The following ZNF844 variants were observed in gnomAD, a reference collection of about 807,000 sequenced individuals.
ZNF844 encodes zinc finger protein 844.
A neutral mutation model predicts 11.4 loss-of-function variants in ZNF844; 11 were observed. The ratio of observed to expected loss-of-function variants is 0.97; its 90% CI spans 0.61 to 1.60. The LOEUF (loss-of-function observed/expected upper bound fraction) is 1.60. Among genes scored for constraint, ZNF844 ranks in the 40% most tolerant of loss-of-function variants. ZNF844 has a pLI of 0.00. For missense variants in ZNF844, 790 were observed against 796.8 expected (o/e 0.99, Z 0.10); for synonymous variants, 248 against 260.3 (o/e 0.95, Z 0.46).
chr19:12,074,790 T>A (rs961058738), intron 3 of ZNF844, among the ~76,000 whole-genome samples: 1 of 152,112 alleles, frequency 6.6e-6, no homozygotes, highest in African/African-American at 2.4e-5. Context: ...AGTTCAAGGG[T>A]GCTGTGAACC....
rs904836473 is a variant in ZNF844, at chr19:12,077,444, C to T, written c.*323C>T. The T allele has an allele frequency of 7.2e-5, 44 of 611,366 alleles. No homozygotes were observed. The highest frequency in any genetic ancestry group is 1.1e-4 in the Non-Finnish European group (37 of 325,508). The allele number at this position is 611,366 out of a possible 1,614,324, so 37.9% of individuals were successfully genotyped here. A position where few individuals can be genotyped will look rare whatever the true frequency, so the allele number is the denominator to read the frequency against. The stretch of plus-strand genomic sequence containing the variant: ...CTGCATTTCAGTATCATGAAAAGAC[C>T]CACACCAGAGAGAAACACTATGAAT... On this transcript the variant is annotated 3_prime_UTR_variant, in exon 4 of 4. Transcript: ENST00000439326.
intron 1 of ZNF844, among the ~76,000 whole-genome samples, chr19:12,071,696 G>GTTT (rs562646552): frequency 1.5e-5 from 2 of 136,132 alleles, no homozygotes; most frequent in African/African-American, 2.7e-5. Flanking sequence ...AATCAATTAG[G>GTTT]TTTTTTTTTT....
In ZNF844 at chr19:12,076,931, T is replaced by TGCAAGAACACAC; in HGVS notation, c.1812_1823dup (p.Gln605_Thr608dup). On this transcript the variant is annotated inframe_insertion, in exon 4 of 4. Coordinates refer to ENST00000439326, the MANE Select transcript of ZNF844 (RefSeq NM_001136501.3). ...TATCTGCCAAGATCCTTCGAGTACA[T>TGCAAGAACACAC]GCAAGAACACACCCTGGAGAGAAAC... is the stretch of plus-strand genomic sequence containing the variant. 1.3e-6 allele frequency: 2 copies of TGCAAGAACACAC among 1,598,796 alleles called. No individual in the cohort carries two copies. The highest frequency in any genetic ancestry group is 1.7e-6 in the Non-Finnish European group (2 of 1,172,472).
At chr19:12,074,935 T>C (rs1234758764) in intron 3 of ZNF844, among the ~76,000 whole-genome samples, 1 of 152,226 alleles carries the variant, frequency 6.6e-6, no homozygotes, top group Non-Finnish European at 1.5e-5. Flanking sequence ...TTTTCTTTTT[T>C]AAACATATGA....
In ZNF844 at chr19:12,076,931, T is replaced by C. The variant is rs929529640; in HGVS notation, c.1811T>C (p.Met604Thr). The part of the protein sequence containing the change: ...HSYLPRSFEY[M>T]QEHTLERNPM... Reference sequence around the variant, plus strand: ...TATCTGCCAAGATCCTTCGAGTACATGCAAGAACACACCCTGGAGAGAAAC... The same window carrying C: ...TATCTGCCAAGATCCTTCGAGTACACGCAAGAACACACCCTGGAGAGAAAC... The change falls in exon 4 of 4, where the codon ATG becomes ACG. Residue 604 changes from methionine (M) to threonine (T), a missense_variant. This residue lies in a region of ZNF844 where 657 missense variants were observed against 636.2 expected (regional missense o/e 1.03). Transcript: ENST00000439326. 2 of 1,598,678 alleles carry C rather than the reference T, an allele frequency of 1.3e-6. No individual in the cohort carries two copies. The highest frequency in any genetic ancestry group is 1.4e-5 in the African/African-American group (1 of 73,956).
chr19:12,073,556 G>GTT (rs566864108), intron 1 of ZNF844, among the ~76,000 whole-genome samples: 11 of 143,806 alleles, frequency 7.6e-5, no homozygotes, highest in African/African-American at 2.3e-4. Flanking sequence ...GCAAAATCCA[G>GTT]TTTTTTTTTT....
At chr19:12,068,695 C>T (rs753697476) in intron 1 of ZNF844, among the ~76,000 whole-genome samples, 2 of 152,134 alleles carry the variant, frequency 1.3e-5, no homozygotes, top group African/African-American at 4.8e-5. Context: ...TTATTGACTT[C>T]CACAAATGTG....
chr19:12,074,185 G>T (rs1454496311), intron 2 of ZNF844, 28 bp downstream of exon 2: 1 of 1,612,148 alleles, frequency 6.2e-7, no homozygotes, highest in African/African-American at 1.3e-5. Flanking sequence ...ACGTCCCCCA[G>T]TGAATGAGAC....
Position 12,076,188 on chromosome 19 carries a change from A to G in ZNF844, c.1068A>G (p.Lys356=). The G allele has an allele frequency of 6.3e-7, 1 of 1,587,946 alleles. No individual in the cohort carries two copies. Among genetic ancestry groups the G allele is most frequent in the Non-Finnish European group, 8.6e-7 (1 of 1,166,412 alleles). The change falls in exon 4 of 4, where the codon AAA becomes AAG. Residue 356 remains lysine (K), a synonymous_variant. Coordinates refer to ENST00000439326, the MANE Select transcript of ZNF844 (RefSeq NM_001136501.3). ...ATCTTAACTTTCAAAGACACATGAA[A>G]ATGCACACTAGAATGAGACCTTATA... ...LSYLNFQRHM[K]MHTRMRPYKC...
At position 12,077,608 on chromosome 19, in the gene ZNF844, A is replaced by G; in HGVS notation, c.*487A>G. 1.8e-6 allele frequency: 1 copy of G among 554,934 alleles called. No individual in the cohort carries two copies. Among genetic ancestry groups the G allele is most frequent in the South Asian group, 1.4e-5 (1 of 71,104 alleles). 34.4% of individuals were successfully genotyped at this position (554,934 alleles called of 1,614,324 possible). A position where few individuals can be genotyped will look rare whatever the true frequency, so the allele number is the denominator to read the frequency against. On this transcript the variant is annotated 3_prime_UTR_variant, in exon 4 of 4. Coordinates refer to ENST00000439326, the MANE Select transcript of ZNF844 (RefSeq NM_001136501.3). The stretch of plus-strand genomic sequence containing the variant: ...GCCACTCAACTTCAGATGCATAGAA[A>G]GATTCACACTGGCGAGAAACCCTAT...
chr19:12,074,825 C>T (rs1053788759), intron 3 of ZNF844, among the ~76,000 whole-genome samples: 1 of 152,164 alleles, frequency 6.6e-6, no homozygotes, highest in Non-Finnish European at 1.5e-5. Flanking sequence ...GCACTCCAGC[C>T]TGGGCTATAT....
In ZNF844 at chr19:12,076,526, T is replaced by C. The variant is rs765986277; in HGVS notation, c.1406T>C (p.Leu469Pro). ...LPHTFKCMEG[L>P]TLKRNPMNVS... ...CACACCTTCAAATGCATGGAAGGAC[T>C]CACACTCAAGAGAAACCCTATGAAT... The change falls in exon 4 of 4, where the codon CTC becomes CCC. Residue 469 changes from leucine to proline, a missense_variant. Transcript: ENST00000439326. The C allele has an allele frequency of 1.1e-5, 18 of 1,609,524 alleles. No individual in the cohort carries two copies. The highest frequency in any genetic ancestry group is 1.5e-5 in the Non-Finnish European group (18 of 1,178,196).
At chr19:12,067,132 G>A (rs968429953) in intron 1 of ZNF844, among the ~76,000 whole-genome samples, 10 of 152,088 alleles carry the variant, frequency 6.6e-5, no homozygotes, top group African/African-American at 2.4e-4. Context: ...CCCGGGAGGT[G>A]GAGTTTGCAG....
Position 12,074,079 on chromosome 19 carries a change from T to A in ZNF844, c.52T>A (p.Trp18Arg). 3 of 1,613,536 alleles carry A rather than the reference T, an allele frequency of 1.9e-6. No homozygotes were observed. The highest frequency in any genetic ancestry group is 2.5e-6 in the Non-Finnish European group (3 of 1,179,732). ...GGCTGTGAACTTCACCCAGGAGGAG[T>A]GGTCTTTGCTGGATCCTTCCCAGAA... is the stretch of plus-strand genomic sequence containing the variant. Reference protein sequence around the residue: ...DVAVNFTQEEWSLLDPSQKNL... With the variant: ...DVAVNFTQEERSLLDPSQKNL... Residue 18 changes from tryptophan to arginine, a missense_variant, in exon 2 of 4, where the codon TGG (tryptophan) becomes AGG (arginine). Transcript: ENST00000439326.
In ZNF844 at chr19:12,076,014, A is replaced by G; in HGVS notation, c.894A>G (p.Ile298Met). The G allele has an allele frequency of 1.3e-6, 2 of 1,572,962 alleles. No individual in the cohort carries two copies. Among genetic ancestry groups the G allele is most frequent in the Non-Finnish European group, 1.7e-6 (2 of 1,158,652 alleles). The change falls in exon 4 of 4, where the codon ATA becomes ATG. Residue 298 changes from isoleucine to methionine, a missense_variant. Ile to Met is a conservative substitution (Grantham distance 10). Coordinates refer to ENST00000439326, the MANE Select transcript of ZNF844 (RefSeq NM_001136501.3). Reference sequence around the variant, plus strand: ...TCAGATGGTTCCATTCCTTTCAAATACATGAAAGAACTCACAGTGAGGAGA... The same window carrying G: ...TCAGATGGTTCCATTCCTTTCAAATGCATGAAAGAACTCACAGTGAGGAGA... Reference protein sequence around the residue: ...KAFRWFHSFQIHERTHSEEKA... With the variant: ...KAFRWFHSFQMHERTHSEEKA...
rs1265276919 is a variant in ZNF844, at chr19:12,077,179, G to A, written c.*58G>A. ...TTCACTTCTTCTGGTTCCTTTCAGT[G>A]TCATAAAAGGATTCACACTGGAGAG... On this transcript the variant is annotated 3_prime_UTR_variant, in exon 4 of 4. Coordinates refer to ENST00000439326, the MANE Select transcript of ZNF844 (RefSeq NM_001136501.3). 4.4e-6 allele frequency: 7 copies of A among 1,598,564 alleles called. No individual in the cohort carries two copies. In the East Asian group the frequency reaches 1.3e-4, roughly 31 times the overall value.
In ZNF844 at chr19:12,080,964, AAGCT is replaced by A. The variant is rs1443421802; in HGVS notation, c.*3844_*3847del. 6.6e-6 allele frequency: 1 copy of A among 152,208 alleles called. No homozygotes were observed. Among genetic ancestry groups the A allele is most frequent in the African/African-American group, 2.4e-5 (1 of 41,418 alleles). The allele number at this position is 152,208 out of a possible 1,614,324, so 9.4% of individuals were successfully genotyped here. A position where few individuals can be genotyped will look rare whatever the true frequency, so the allele number is the denominator to read the frequency against. On this transcript the variant is annotated 3_prime_UTR_variant, in exon 4 of 4. Coordinates refer to ENST00000439326, the MANE Select transcript of ZNF844 (RefSeq NM_001136501.3). ...GAGATGGGGTTTCACCATGTTGAGC[AAGCT>A]GGTCTTAAACTCCTGACCTCAAGTG...
Position 12,076,632 on chromosome 19 carries a change from G to T in ZNF844, c.1512G>T (p.Met504Ile). Residue 504 changes from methionine to isoleucine, a missense_variant, in exon 4 of 4, where the codon ATG becomes ATT. Physicochemically the swap from Met to Ile is conservative, Grantham distance 10 (BLOSUM62 1). Transcript: ENST00000439326. ...GACTCACACTGGAGAGAAACCCTAT[G>T]AGTGTAAGCAATGTGGGAAAGCCTT... ...MKGLTLERNPMSVSNVGKPSH... is the reference protein window; with the variant it reads ...MKGLTLERNPISVSNVGKPSH... 6.2e-7 allele frequency: 1 copy of T among 1,613,572 alleles called. No homozygotes were observed. The highest frequency in any genetic ancestry group is 2.2e-5 in the East Asian group (1 of 44,808).
rs1975867752 is a variant in ZNF844 at position 12,079,373 on chromosome 19, T to G, written c.*2252T>G. On this transcript the variant is annotated 3_prime_UTR_variant, in exon 4 of 4. Coordinates refer to ENST00000439326, the MANE Select transcript of ZNF844 (RefSeq NM_001136501.3). ...ATGAGAGAAATCCTATTATAAGAAATTGATTGCTGTGCACGGTAGCTTACC... is the reference window on the plus strand; with the variant it reads ...ATGAGAGAAATCCTATTATAAGAAAGTGATTGCTGTGCACGGTAGCTTACC... 1 of 152,032 alleles carries G rather than the reference T, an allele frequency of 6.6e-6. No individual in the cohort carries two copies. The highest frequency in any genetic ancestry group is 6.6e-5 in the Admixed American group (1 of 15,260). The allele number at this position is 152,032 out of a possible 1,614,324, so 9.4% of individuals were successfully genotyped here. A position where few individuals can be genotyped will look rare whatever the true frequency, so the allele number is the denominator to read the frequency against.
Sources: allele counts gnomAD v4.1 joint callset (sites outside exome capture counted in the v4.1 genomes callset), GRCh38; gene constraint gnomAD v4.1.1; regional missense constraint gnomAD v4.1.1; transcripts MANE v1.5; gene names NCBI Gene and HGNC (gene_info 2026-07-23, HGNC 2026-07-21).